The following KDM4C variants were observed in gnomAD, a reference collection of about 807,000 sequenced individuals.
The protein encoded by KDM4C is lysine demethylase 4C, also known as lysine-specific demethylase 4C.
KDM4C carries 81 observed loss-of-function variants against 129.3 expected under a neutral mutation model. The observed-to-expected ratio is 0.63, with a 90% CI of 0.52 to 0.75. The LOEUF (loss-of-function observed/expected upper bound fraction) is 0.75, where lower values mean the gene tolerates loss of function less well. Ranked by LOEUF, KDM4C falls within the 30% of genes least tolerant of loss-of-function variation. The probability of loss-of-function intolerance (pLI) is 0.00; values close to 1 mark genes in which losing one functional copy is unlikely to be tolerated. For missense variants in KDM4C, 1,457 were observed against 1,304.0 expected (o/e 1.12, Z -1.81); for synonymous variants, 573 against 456.1 (o/e 1.26, Z -3.26).
chr9:7,153,962 G>T (rs114043901), intron 19 of KDM4C, among the ~76,000 whole-genome samples: 2 of 152,166 alleles, frequency 1.3e-5, no homozygotes, highest in Non-Finnish European at 2.9e-5. Context: ...TGCTGCTGCT[G>T]TCTGAGAGAA....
At chr9:6,826,130 CA>C (rs1379530223) in intron 4 of KDM4C, among the ~76,000 whole-genome samples, 1 of 150,976 alleles carries the variant, frequency 6.6e-6, no homozygotes. Flanking sequence ...AATCTTAATA[CA>C]AAAAAATATA....
intron 18 of KDM4C, among the ~76,000 whole-genome samples, chr9:7,109,076 AAATAGGGTAG>A (rs1357979517): frequency 6.6e-6 from 1 of 152,188 alleles, no homozygotes; most frequent in Non-Finnish European, 1.5e-5. Context: ...TGGATTTGGT[AAATAGGGTAG>A]AAGTGAATGC....
chr9:6,793,098 A>G lies in KDM4C; in HGVS notation c.110A>G (p.Glu37Gly). ...REFNKYLAYMESKGAHRAGLA... is the reference protein window; with the variant it reads ...REFNKYLAYMGSKGAHRAGLA... ...TTCAACAAATACCTTGCATACATGG[A>G]GTCTAAAGGAGCCCATCGTGCGGGT... is the stretch of plus-strand genomic sequence containing the variant. Residue 37 changes from glutamate (E) to glycine (G), a missense_variant, in exon 2 of 22, where the codon GAG becomes GGG. Glu to Gly is a moderately conservative substitution (Grantham distance 98). Coordinates refer to ENST00000381309, the MANE Select transcript of KDM4C (RefSeq NM_015061.6). 6.2e-7 allele frequency: 1 copy of G among 1,614,124 alleles called. No individual in the cohort carries two copies. Among genetic ancestry groups the G allele is most frequent in the Non-Finnish European group, 8.5e-7 (1 of 1,180,016 alleles).
At chr9:6,878,519 A>C (rs1211787919) in intron 5 of KDM4C, among the ~76,000 whole-genome samples, 1 of 152,218 alleles carries the variant, frequency 6.6e-6, no homozygotes, top group Non-Finnish European at 1.5e-5. Context: ...AGATCCTAGG[A>C]GTAAACTGAG....
At chr9:6,901,663 T>A (rs1817431923) in intron 8 of KDM4C, among the ~76,000 whole-genome samples, 1 of 152,058 alleles carries the variant, frequency 6.6e-6, no homozygotes, top group South Asian at 2.1e-4. Context: ...AACTGGCGAG[T>A]AACTGGTGTT....
At chr9:6,825,970 C>T (rs1833804593) in intron 4 of KDM4C, among the ~76,000 whole-genome samples, 1 of 151,996 alleles carries the variant, frequency 6.6e-6, no homozygotes, top group Non-Finnish European at 1.5e-5. Context: ...GCCACCATGC[C>T]CAGCTAATTT....
At chr9:7,114,027 G>A (rs1347483812) in intron 18 of KDM4C, among the ~76,000 whole-genome samples, 2 of 152,120 alleles carry the variant, frequency 1.3e-5, no homozygotes, top group African/African-American at 2.4e-5. Context: ...AGGCCAAATG[G>A]TACATCCCAG....
chr9:6,945,708 A>G (rs1014776280), intron 8 of KDM4C, among the ~76,000 whole-genome samples: 7 of 152,188 alleles, frequency 4.6e-5, no homozygotes, highest in East Asian at 1.9e-4. Flanking sequence ...CATATAGACA[A>G]TAGTAACTGA....
intron 20 of KDM4C, among the ~76,000 whole-genome samples, chr9:7,168,155 T>C (rs1331438419): frequency 6.6e-6 from 1 of 151,944 alleles, no homozygotes; most frequent in African/African-American, 2.4e-5. Context: ...GCCGTTGCAC[T>C]CCAGCCTAGG....
At chr9:6,801,314 G>T (rs1268627915) in intron 2 of KDM4C, among the ~76,000 whole-genome samples, 1 of 124,468 alleles carries the variant, frequency 8.0e-6, no homozygotes. Context: ...GTGCAGTGGC[G>T]TGATCTTGGC....
At chr9:7,169,114 G>A (rs1844698039) in intron 20 of KDM4C, among the ~76,000 whole-genome samples, 1 of 150,068 alleles carries the variant, frequency 6.7e-6, no homozygotes, top group Non-Finnish European at 1.5e-5. Flanking sequence ...AATTCTCCTT[G>A]TTACGTTGTC....
chr9:6,862,654 C>T (rs369994779), intron 5 of KDM4C, among the ~76,000 whole-genome samples: 91 of 152,030 alleles, frequency 6.0e-4, no homozygotes, highest in African/African-American at 2.2e-3. Context: ...AATACAAAAA[C>T]ACATTAGCCA....
chr9:6,996,778 G>A (rs1283899550), intron 12 of KDM4C, among the ~76,000 whole-genome samples: 3 of 152,190 alleles, frequency 2.0e-5, no homozygotes, highest in Admixed American at 6.5e-5. Context: ...TAAGAAAATT[G>A]CAAGACTGTT....
At chr9:7,071,396 T>C (rs1833173163) in intron 17 of KDM4C, among the ~76,000 whole-genome samples, 1 of 152,170 alleles carries the variant, frequency 6.6e-6, no homozygotes, top group African/African-American at 2.4e-5. Context: ...TCAATGCTTA[T>C]TATAAAGCTA....
chr9:6,751,086 T>C (rs1818050068), intron 1 of KDM4C, among the ~76,000 whole-genome samples: 2 of 152,188 alleles, frequency 1.3e-5, no homozygotes, highest in Admixed American at 1.3e-4. Context: ...GCAATGTATC[T>C]AATGTCTAGC....
At chr9:6,822,045 A>C (rs1049903735) in intron 4 of KDM4C, among the ~76,000 whole-genome samples, 4 of 152,216 alleles carry the variant, frequency 2.6e-5, no homozygotes, top group African/African-American at 9.6e-5. Flanking sequence ...CAACTTAAGC[A>C]AGTTATTATT....
chr9:6,779,522 C>T (rs1003965727), intron 1 of KDM4C, among the ~76,000 whole-genome samples: 7 of 152,168 alleles, frequency 4.6e-5, no homozygotes, highest in African/African-American at 1.2e-4. Context: ...CAACTTCCTG[C>T]TCCCCAGATC....
At chr9:6,994,604 C>T (rs960084913) in intron 12 of KDM4C, among the ~76,000 whole-genome samples, 1 of 152,136 alleles carries the variant, frequency 6.6e-6, no homozygotes, top group Admixed American at 6.5e-5. Flanking sequence ...TAGCTTAAAT[C>T]ACTTATGGAT....
At chr9:6,975,692 A>C (rs1205166695) in intron 8 of KDM4C, among the ~76,000 whole-genome samples, 1 of 151,866 alleles carries the variant, frequency 6.6e-6, no homozygotes, top group Non-Finnish European at 1.5e-5. Context: ...TGGTGTAGGA[A>C]GGTCAGATGG....
Sources: gnomAD v4.1 joint callset for allele counts (sites outside exome capture counted in the v4.1 genomes callset) on GRCh38, gnomAD v4.1.1 for gene constraint, MANE v1.5 for transcripts, NCBI Gene and HGNC (gene_info 2026-07-23, HGNC 2026-07-21) for gene names.